ERICH6: variants seen among roughly 807,000 people sequenced by gnomAD.
ERICH6 encodes glutamate rich 6.
In ERICH6, 71 loss-of-function variants were observed where a neutral mutation model predicts 71.0. The observed-to-expected ratio is 1.00, with a 90% CI of 0.83 to 1.22. The LOEUF (loss-of-function observed/expected upper bound fraction) is 1.22. Ranked by LOEUF, ERICH6 falls within the 50% of genes most tolerant of loss-of-function variation. ERICH6 has a pLI of 0.00. For missense variants in ERICH6, 808 were observed against 797.2 expected (o/e 1.01, Z -0.16); for synonymous variants, 262 against 278.4 (o/e 0.94, Z 0.59).
At chr3:150,673,715 A>G (rs1054386717) in intron 11 of ERICH6, among the ~76,000 whole-genome samples, 2 of 152,110 alleles carry the variant, frequency 1.3e-5, no homozygotes, top group African/African-American at 2.4e-5. Flanking sequence ...CAGTCTCCCG[A>G]GTAGCTGAGA....
Position 150,680,782 on chromosome 3 carries a change from G to A in ERICH6, c.1031C>T (p.Ala344Val). ...EVDRLKAKEK[A>V]LQRKQEQRMA... ...GAAGTCTCAATGTTACCTTTGCAGG[G>A]CTTTTTCTTTTGCCTTGAGTCTGTC... Residue 344 changes from alanine to valine, a missense_variant, in exon 8 of 14, where the codon GCC (alanine) becomes GTC (valine). Around this residue, in one of 3 missense-constraint regions of ERICH6, gnomAD observed 736 missense variants for 712.2 expected, o/e 1.03. Transcript: ENST00000295910. The A allele has an allele frequency of 6.2e-7, 1 of 1,603,710 alleles. No homozygotes were observed. Among genetic ancestry groups the A allele is most frequent in the East Asian group, 2.2e-5 (1 of 44,838 alleles).
intron 9 of ERICH6, among the ~76,000 whole-genome samples, chr3:150,679,366 C>A (rs1298669711): frequency 6.6e-6 from 1 of 152,016 alleles, no homozygotes; most frequent in Admixed American, 6.6e-5. Context: ...CCCTCACTAC[C>A]CTCCCACCCT....
In ERICH6 at chr3:150,680,615, G is replaced by C; in HGVS notation, c.1041-77C>G. 4.4e-6 allele frequency: 7 copies of C among 1,577,740 alleles called. No homozygotes were observed. In the Admixed American group the frequency reaches 1.2e-4, roughly 26 times the overall value. The stretch of plus-strand genomic sequence containing the variant: ...AAACAGTCTACTACAAAATTCAGCT[G>C]CTTAAATGCCATCCTTGTCTGTTTG... On this transcript the variant is annotated intron_variant, in intron 8 of 13. Transcript: ENST00000295910.
chr3:150,700,139 A>T (rs1712812091), intron 2 of ERICH6, among the ~76,000 whole-genome samples: 1 of 151,410 alleles, frequency 6.6e-6, no homozygotes, highest in South Asian at 2.1e-4. Context: ...CAGTGGTGCG[A>T]TCTTGGCTCA....
intron 9 of ERICH6, 33 bp downstream of exon 9, chr3:150,680,435 G>A (rs2108057865): frequency 6.3e-7 from 1 of 1,598,004 alleles, no homozygotes; most frequent in Non-Finnish European, 8.6e-7. Context: ...ACGTTGTACA[G>A]CTGGTCTATA....
intron 3 of ERICH6, among the ~76,000 whole-genome samples, chr3:150,691,663 T>G (rs1712437828): frequency 6.6e-6 from 1 of 152,126 alleles, no homozygotes; most frequent in East Asian, 1.9e-4. Flanking sequence ...ACTTATATAA[T>G]CAAGTTGCCA....
intron 3 of ERICH6, among the ~76,000 whole-genome samples, chr3:150,698,350 G>A (rs751254309): frequency 2.0e-5 from 3 of 151,942 alleles, no homozygotes; most frequent in Non-Finnish European, 4.4e-5. Context: ...ATGAATAAAT[G>A]ACATAAAATA....
At chr3:150,669,527 A>T in intron 11 of ERICH6, 76 bp from the exon 12 acceptor site, 1 of 1,482,886 alleles carries the variant, frequency 6.7e-7, no homozygotes, top group Non-Finnish European at 9.2e-7. Context: ...TTTATGAGAG[A>T]GCACTCTGAA....
intron 12 of ERICH6, among the ~76,000 whole-genome samples, chr3:150,667,307 G>C (rs537744950): frequency 6.6e-6 from 1 of 151,356 alleles, no homozygotes; most frequent in South Asian, 2.2e-4. Context: ...GCTTAGTCTG[G>C]AGAAAATGAG....
chr3:150,690,599 A>G (rs1712398068), intron 3 of ERICH6, among the ~76,000 whole-genome samples: 1 of 152,214 alleles, frequency 6.6e-6, no homozygotes, highest in South Asian at 2.1e-4. Flanking sequence ...AGACCAGTCA[A>G]GTGCTTTTTC....
rs769654490 is a variant in ERICH6 at position 150,680,858 on chromosome 3, T to C, written c.955A>G (p.Lys319Glu). Reference protein sequence around the residue: ...YEEQIKTKPPKAELIAIDPHA... With the variant: ...YEEQIKTKPPEAELIAIDPHA... ...GGGTCAATAGCAATTAATTCAGCTTTAGGGGGTTTGGTTTTTATTTGCTCC... is the reference window on the plus strand; with the variant it reads ...GGGTCAATAGCAATTAATTCAGCTTCAGGGGGTTTGGTTTTTATTTGCTCC... The change falls in exon 8 of 14, where the codon AAA becomes GAA. Residue 319 changes from lysine (K) to glutamate (E), a missense_variant. Lys to Glu is a moderately conservative substitution (Grantham distance 56). Transcript: ENST00000295910. 3 of 1,614,076 alleles carry C rather than the reference T, an allele frequency of 1.9e-6. No individual in the cohort carries two copies. The highest frequency in any genetic ancestry group is 2.2e-5 in the South Asian group (2 of 91,076).
At chr3:150,702,955 AG>A (rs1712966924) in intron 1 of ERICH6, among the ~76,000 whole-genome samples, 1 of 39,938 alleles carries the variant, frequency 2.5e-5, no homozygotes, top group African/African-American at 9.4e-5. Context: ...AGAGAGGGGG[AG>A]GGGAGAGGGA....
chr3:150,700,552 CAG>C (rs1712832726), intron 2 of ERICH6, among the ~76,000 whole-genome samples: 1 of 151,728 alleles, frequency 6.6e-6, no homozygotes, highest in Non-Finnish European at 1.5e-5. Flanking sequence ...GACAGAACAA[CAG>C]AGAGTCAAAA....
intron 2 of ERICH6, 80 bp downstream of exon 2, chr3:150,702,041 A>T (rs1712892089): frequency 1.0e-6 from 1 of 970,170 alleles, no homozygotes. Context: ...GGATTATTTT[A>T]CTCTACTTCC....
At chr3:150,660,974 A>T (rs991386199) in intron 13 of ERICH6, among the ~76,000 whole-genome samples, 2 of 152,228 alleles carry the variant, frequency 1.3e-5, no homozygotes, top group African/African-American at 2.4e-5. Flanking sequence ...ATAACAAAGA[A>T]TAGTTCAGAA....
At chr3:150,669,888 G>C (rs771703312) in intron 11 of ERICH6, among the ~76,000 whole-genome samples, 7 of 152,110 alleles carry the variant, frequency 4.6e-5, no homozygotes, top group Non-Finnish European at 7.4e-5. Context: ...CTGATAAAGA[G>C]TATCTACAAA....
At chr3:150,685,896 A>T in intron 5 of ERICH6, 38 bp from the exon 6 acceptor site, 2 of 1,608,050 alleles carry the variant, frequency 1.2e-6, no homozygotes, top group Non-Finnish European at 1.7e-6. Context: ...GAGGGGAAAT[A>T]ATTGAAGATT....
At chr3:150,681,070 C>CGGCCGGGCGTGGTGGCTCACGCCTGT in intron 7 of ERICH6, 140 bp from the exon 8 acceptor site, 1 of 847,172 alleles carries the variant, frequency 1.2e-6, no homozygotes. Context: ...ATATAATTCA[C>CGGCCGGGCGTGGTGGCTCACGCCTGT]ATACCATACA....
At chr3:150,701,049 T>C (rs534236209) in intron 2 of ERICH6, among the ~76,000 whole-genome samples, 3 of 152,278 alleles carry the variant, frequency 2.0e-5, no homozygotes, top group South Asian at 2.1e-4. Flanking sequence ...TAACAAACCA[T>C]AATACAAGCA....
Sources: allele counts gnomAD v4.1 joint callset (sites outside exome capture counted in the v4.1 genomes callset), GRCh38; gene constraint gnomAD v4.1.1; regional missense constraint gnomAD v4.1.1; transcripts MANE v1.5; gene names NCBI Gene and HGNC (gene_info 2026-07-23, HGNC 2026-07-21).